The following CDH4 variants were observed in gnomAD, a reference collection of about 807,000 sequenced individuals.
CDH4 encodes cadherin-4.
A neutral mutation model predicts 86.0 loss-of-function variants in CDH4; 33 were observed. That is an observed-to-expected ratio of 0.38 (90% CI 0.29 to 0.51). CDH4 has a LOEUF of 0.51. Among genes scored for constraint, CDH4 ranks in the 20% least tolerant of loss-of-function variants. The pLI is 0.86. For missense variants in CDH4, 1,114 were observed against 1,307.4 expected, an observed-to-expected ratio of 0.85 and a Z score of 2.28; for synonymous variants, 555 against 549.4, an observed-to-expected ratio of 1.01 and a Z score of -0.14.
intron 4 of CDH4, among the ~76,000 whole-genome samples, chr20:61,781,274 C>G (rs2145998436): frequency 6.6e-6 from 1 of 152,084 alleles, no homozygotes; most frequent in East Asian, 1.9e-4. Flanking sequence ...GATCCACAAT[C>G]AAGAAAAAAA....
intron 4 of CDH4, among the ~76,000 whole-genome samples, chr20:61,841,275 G>C (rs565258875): frequency 6.6e-6 from 1 of 152,212 alleles, no homozygotes; most frequent in African/African-American, 2.4e-5. Context: ...GCTCCCGGAC[G>C]GCGGGGCTGG....
At chr20:61,328,681 G>A (rs1386757582) in intron 2 of CDH4, among the ~76,000 whole-genome samples, 2 of 152,172 alleles carry the variant, frequency 1.3e-5, no homozygotes, top group African/African-American at 4.8e-5. Context: ...AGCTACTTGG[G>A]AGGCTGAGGC....
At chr20:61,504,303 CCT>C (rs954667731) in intron 2 of CDH4, among the ~76,000 whole-genome samples, 13 of 152,308 alleles carry the variant, frequency 8.5e-5, no homozygotes, top group Admixed American at 3.9e-4. Context: ...TCAGGAGGTT[CCT>C]CTCTCAAGGA....
intron 2 of CDH4, among the ~76,000 whole-genome samples, chr20:61,389,017 A>T (rs1398112950): frequency 1.3e-5 from 2 of 152,252 alleles, no homozygotes; most frequent in African/African-American, 4.8e-5. Flanking sequence ...GCATGGAGTC[A>T]AAGGACATAT....
rs912818925 is a variant in CDH4, at chr20:61,934,110, A to G, written c.2434A>G (p.Lys812Glu). 6.2e-7 allele frequency: 1 copy of G among 1,611,564 alleles called. No individual in the cohort carries two copies. The highest frequency in any genetic ancestry group is 1.7e-5 in the Admixed American group (1 of 59,986). The change falls in exon 15 of 16, where the codon AAA (lysine) becomes GAA (glutamate). Residue 812 changes from lysine (K) to glutamate (E), a missense_variant. This residue lies in a region of CDH4 where 188 missense variants were observed against 183.8 expected (regional missense o/e 1.02). Coordinates refer to ENST00000614565, the MANE Select transcript of CDH4 (RefSeq NM_001794.5). The part of the protein sequence containing the change: ...QPEAMGHVPS[K>E]APGVRRVDER... The stretch of plus-strand genomic sequence containing the variant: ...GGAAGCCATGGGGCACGTGCCAAGC[A>G]AAGCCCCTGGCGTGCGTCGCGTGGA...
intron 2 of CDH4, among the ~76,000 whole-genome samples, chr20:61,654,362 C>T (rs1191381498): frequency 1.3e-5 from 2 of 152,244 alleles, no homozygotes; most frequent in East Asian, 1.9e-4. Context: ...TGCAGTGAGC[C>T]GAGATGGCAG....
At chr20:61,298,833 C>G (rs768779228) in intron 2 of CDH4, among the ~76,000 whole-genome samples, 7 of 150,872 alleles carry the variant, frequency 4.6e-5, no homozygotes, top group Non-Finnish European at 1.0e-4. Flanking sequence ...TTCATGGTAA[C>G]CACAAAAGCA....
At chr20:61,283,560 A>C (rs1468164795) in intron 2 of CDH4, among the ~76,000 whole-genome samples, 1 of 116,850 alleles carries the variant, frequency 8.6e-6, no homozygotes, top group Non-Finnish European at 1.8e-5. Flanking sequence ...GTGGTGTGTG[A>C]TGTAGGTGCA....
chr20:61,568,523 A>G (rs992023468), intron 2 of CDH4, among the ~76,000 whole-genome samples: 12 of 152,206 alleles, frequency 7.9e-5, no homozygotes, highest in African/African-American at 2.9e-4. Context: ...CAGCGTGGGA[A>G]CTGACTAGCG....
chr20:61,608,508 G>C (rs936595345), intron 2 of CDH4, among the ~76,000 whole-genome samples: 50 of 152,204 alleles, frequency 3.3e-4, no homozygotes, highest in African/African-American at 1.2e-3. Context: ...CTCATGCGTG[G>C]TGATGGACGA....
intron 2 of CDH4, among the ~76,000 whole-genome samples, chr20:61,275,525 T>G (rs1191059165): frequency 1.6e-5 from 2 of 128,818 alleles, no homozygotes; most frequent in Non-Finnish European, 3.2e-5. Context: ...GGGAGTACCA[T>G]GCACAGTTTG....
chr20:61,413,669 A>G (rs780876944), intron 2 of CDH4, among the ~76,000 whole-genome samples: 1 of 152,148 alleles, frequency 6.6e-6, no homozygotes, highest in Non-Finnish European at 1.5e-5. Flanking sequence ...GGCCTTGCAC[A>G]TAGTAGATGC....
At chr20:61,551,273 T>C (rs1338343452) in intron 2 of CDH4, among the ~76,000 whole-genome samples, 1 of 152,228 alleles carries the variant, frequency 6.6e-6, no homozygotes, top group Non-Finnish European at 1.5e-5. Flanking sequence ...AAGCGATGCC[T>C]TGTCCTCACT....
At chr20:61,360,188 A>G (rs2123317247) in intron 2 of CDH4, among the ~76,000 whole-genome samples, 1 of 152,376 alleles carries the variant, frequency 6.6e-6, no homozygotes, top group Middle Eastern at 3.4e-3. Flanking sequence ...GAGAAACTGA[A>G]CTATGTCCTG....
chr20:61,511,513 G>A (rs2085779607), intron 2 of CDH4, among the ~76,000 whole-genome samples: 1 of 152,218 alleles, frequency 6.6e-6, no homozygotes, highest in Admixed American at 6.5e-5. Flanking sequence ...CAGCTACTAA[G>A]AAAAAGATCC....
chr20:61,860,584 T>A (rs1173136947), intron 6 of CDH4, among the ~76,000 whole-genome samples: 1 of 152,008 alleles, frequency 6.6e-6, no homozygotes, highest in African/African-American at 2.4e-5. Context: ...CAGGATGCCC[T>A]GACAAGCAGA....
chr20:61,777,658 GCATA>G lies in CDH4; in HGVS notation c.576+4479_576+4482del, dbSNP rs1029244352. ...CACACGTCTACACACGCACACACGT[GCATA>G]CAAAGACACACACCCATACGCGCAC... On this transcript the variant is annotated intron_variant, in intron 4 of 15. Transcript: ENST00000614565. Among the ~76,000 whole-genome samples, 28 of 149,078 alleles carry G rather than the reference GCATA, an allele frequency of 1.9e-4. 1 individual carries two copies. The highest frequency in any genetic ancestry group is 6.6e-4 in the African/African-American group (27 of 40,646).
chr20:61,710,373 A>G lies in CDH4; in HGVS notation c.170-33190A>G, dbSNP rs1051022478. On this transcript the variant is annotated intron_variant, in intron 2 of 15. Coordinates refer to ENST00000614565, the MANE Select transcript of CDH4 (RefSeq NM_001794.5). ...GAAGGCATTGAGTGCTTGAGTGTCT[A>G]TGGATGAAGGCGGTACAGGAACTCC... is the stretch of plus-strand genomic sequence containing the variant. Among the ~76,000 whole-genome samples, 7 of 152,226 alleles carry G rather than the reference A, an allele frequency of 4.6e-5. No homozygotes were observed. The East Asian group carries it at 9.7e-4, about 21-fold the overall frequency.
chr20:61,362,327 T>C lies in CDH4; in HGVS notation c.169+107390T>C, dbSNP rs115689996. On this transcript the variant is annotated intron_variant, in intron 2 of 15. Coordinates refer to ENST00000614565, the MANE Select transcript of CDH4 (RefSeq NM_001794.5). ...GGAAGGGGAGAGCGGAGACGTGGCC[T>C]AGGACAGCGTAGTGGAGAGCGGAGA... Among the ~76,000 whole-genome samples, 808 of 152,018 alleles carry C rather than the reference T, an allele frequency of 5.3e-3. 7 individuals carry two copies. The highest frequency in any genetic ancestry group is 0.017 in the African/African-American group (717 of 41,454).
Sources: allele counts gnomAD v4.1 joint callset (sites outside exome capture counted in the v4.1 genomes callset), GRCh38; gene constraint gnomAD v4.1.1; regional missense constraint gnomAD v4.1.1; transcripts MANE v1.5; gene names NCBI Gene and HGNC (gene_info 2026-07-23, HGNC 2026-07-21).